Variants in SPTLC3 observed in about 807,000 individuals in gnomAD.
The protein encoded by SPTLC3 is serine palmitoyltransferase long chain base subunit 3.
A neutral mutation model predicts 59.3 loss-of-function variants in SPTLC3; 36 were observed. The ratio of observed to expected loss-of-function variants is 0.61; its 90% CI spans 0.47 to 0.80. The LOEUF (loss-of-function observed/expected upper bound fraction) is 0.80. Among genes scored for constraint, SPTLC3 ranks in the 30% least tolerant of loss-of-function variants. SPTLC3 has a pLI of 0.00. For synonymous variants in SPTLC3, 257 were observed against 240.8 expected, an observed-to-expected ratio of 1.07 and a Z score of -0.62; for missense variants, 625 against 685.1, an observed-to-expected ratio of 0.91 and a Z score of 0.98.
intron 9 of SPTLC3, among the ~76,000 whole-genome samples, chr20:13,131,255 C>T (rs2038114345): frequency 6.6e-6 from 1 of 152,086 alleles, no homozygotes; most frequent in African/African-American, 2.4e-5. Flanking sequence ...ACCTTCTTTC[C>T]CCAACTCTGG....
At chr20:13,081,137 G>A (rs1429530910) in intron 4 of SPTLC3, among the ~76,000 whole-genome samples, 2 of 152,136 alleles carry the variant, frequency 1.3e-5, no homozygotes, top group Non-Finnish European at 2.9e-5. Flanking sequence ...CTTCCAAGTT[G>A]CTTTGGGAAG....
intron 6 of SPTLC3, among the ~76,000 whole-genome samples, chr20:13,106,553 G>C (rs1600286707): frequency 6.6e-6 from 1 of 152,258 alleles, no homozygotes; most frequent in African/African-American, 2.4e-5. Flanking sequence ...CTGTGTGTTG[G>C]GGGATGTTGA....
intron 2 of SPTLC3, among the ~76,000 whole-genome samples, chr20:13,060,162 G>A (rs894365912): frequency 6.6e-6 from 1 of 152,156 alleles, no homozygotes; most frequent in African/African-American, 2.4e-5. Context: ...GTAGACTGAA[G>A]CCTAGAGCCT....
Position 13,164,865 on chromosome 20 carries a change from T to G in SPTLC3, c.1657T>G (p.Ter553GluextTer5). The change falls in exon 12 of 12, where the codon TAA (stop) becomes GAA (glutamate). Residue 553 changes from the stop codon to glutamate (E), a stop_lost. Coordinates refer to ENST00000399002, the MANE Select transcript of SPTLC3 (RefSeq NM_018327.4). ...TGAGACGAGCTTTGAACTCGAAGATTAAGTTTCCTGGTCCTGAATGACACA... is the reference window on the plus strand; with the variant it reads ...TGAGACGAGCTTTGAACTCGAAGATGAAGTTTCCTGGTCCTGAATGACACA... Reference protein sequence around the residue: ...YDETSFELED* With the variant: ...YDETSFELEDE 1.2e-6 allele frequency: 2 copies of G among 1,612,018 alleles called. No individual in the cohort carries two copies. Among genetic ancestry groups the G allele is most frequent in the Non-Finnish European group, 1.7e-6 (2 of 1,178,840 alleles).
chr20:13,145,887 G>A (rs1458997339), intron 9 of SPTLC3, among the ~76,000 whole-genome samples: 1 of 152,094 alleles, frequency 6.6e-6, no homozygotes, highest in Admixed American at 6.5e-5. Context: ...CAAGTAATGG[G>A]GAAAGGACTC....
intron 4 of SPTLC3, among the ~76,000 whole-genome samples, chr20:13,087,868 C>T (rs1989054975): frequency 6.6e-6 from 1 of 152,138 alleles, no homozygotes; most frequent in Non-Finnish European, 1.5e-5. Flanking sequence ...AGAAAAATGA[C>T]CAGTTTTCCC....
rs771123243 is a variant in SPTLC3 at position 13,093,549 on chromosome 20, T to C, written c.798T>C (p.Gly266=). The change falls in exon 6 of 12, where the codon GGT becomes GGC. Residue 266 remains glycine, a synonymous_variant. Transcript: ENST00000399002. ...TSLVLGARLS[G]ATIRIFKHNN... ...TTGTGCTTGGGGCCCGACTCTCAGG[T>C]GCAACCATAAGAATCTTCAAACACA... The C allele has an allele frequency of 2.5e-6, 4 of 1,613,530 alleles. No individual in the cohort carries two copies. The highest frequency in any genetic ancestry group is 3.4e-6 in the Non-Finnish European group (4 of 1,179,528).
intron 6 of SPTLC3, among the ~76,000 whole-genome samples, chr20:13,105,016 A>G (rs1989800085): frequency 1.3e-5 from 2 of 152,306 alleles, no homozygotes; most frequent in South Asian, 4.1e-4. Context: ...TTTAAAAAAA[A>G]TCCCTTGCAG....
At chr20:13,069,313 C>T (rs1383710603) in intron 2 of SPTLC3, among the ~76,000 whole-genome samples, 1 of 152,082 alleles carries the variant, frequency 6.6e-6, no homozygotes, top group African/African-American at 2.4e-5. Flanking sequence ...GGGCCTGATT[C>T]TCCTCATGGG....
intron 2 of SPTLC3, among the ~76,000 whole-genome samples, chr20:13,053,310 T>A (rs1010025416): frequency 2.0e-5 from 3 of 152,040 alleles, no homozygotes; most frequent in African/African-American, 7.2e-5. Flanking sequence ...GGCCTGACTG[T>A]TAGAAGGAAA....
chr20:13,134,908 G>T (rs2038208174), intron 9 of SPTLC3, among the ~76,000 whole-genome samples: 1 of 152,182 alleles, frequency 6.6e-6, no homozygotes, highest in South Asian at 2.1e-4. Context: ...GTTACTACTA[G>T]CACCTTGCCT....
chr20:13,107,645 C>T (rs1187745398), intron 6 of SPTLC3, among the ~76,000 whole-genome samples: 1 of 152,136 alleles, frequency 6.6e-6, no homozygotes, highest in Non-Finnish European at 1.5e-5. Flanking sequence ...CAAAGATCCA[C>T]CATTCTTCCA....
chr20:13,035,575 C>T (rs758303388), intron 1 of SPTLC3, among the ~76,000 whole-genome samples: 16 of 152,084 alleles, frequency 1.1e-4, no homozygotes, highest in Non-Finnish European at 1.6e-4. Context: ...TCCAAATAAA[C>T]GTATCAACCA....
chr20:13,105,765 G>C (rs1989855288), intron 6 of SPTLC3, among the ~76,000 whole-genome samples: 1 of 152,102 alleles, frequency 6.6e-6, no homozygotes, highest in African/African-American at 2.4e-5. Flanking sequence ...GTCCCAAAGG[G>C]AAAACATTCT....
chr20:13,118,120 G>T (rs902159850), intron 8 of SPTLC3, among the ~76,000 whole-genome samples: 1 of 152,104 alleles, frequency 6.6e-6, no homozygotes, highest in Non-Finnish European at 1.5e-5. Flanking sequence ...AGCCAGAAGT[G>T]ATAAGGGATG....
chr20:13,059,800 C>T (rs1987877580), intron 2 of SPTLC3, among the ~76,000 whole-genome samples: 1 of 152,184 alleles, frequency 6.6e-6, no homozygotes, highest in Admixed American at 6.5e-5. Flanking sequence ...TTTCATTCTC[C>T]TGTTATATTT....
chr20:13,094,440 TTTG>T (rs762568890), intron 6 of SPTLC3, among the ~76,000 whole-genome samples: 2 of 152,040 alleles, frequency 1.3e-5, no homozygotes, highest in Non-Finnish European at 2.9e-5. Context: ...CACACACAAA[TTTG>T]TTTTCTCTTT....
intron 2 of SPTLC3, among the ~76,000 whole-genome samples, chr20:13,066,609 A>C (rs2122553470): frequency 6.6e-6 from 1 of 152,302 alleles, no homozygotes; most frequent in South Asian, 2.1e-4. Context: ...AGAGTACAGA[A>C]TTTTAAGTTT....
In SPTLC3 at chr20:13,074,364, C is replaced by A; in HGVS notation, c.474C>A (p.Val158=). Residue 158 remains valine (V), a synonymous_variant, in exon 4 of 12, where the codon GTC becomes GTA. Coordinates refer to ENST00000399002, the MANE Select transcript of SPTLC3 (RefSeq NM_018327.4). ...YNWTFRFTGR[V]IKDVINMGSY... ...TTCCCCACAGGTTTACTGGAAGAGT[C>A]ATCAAAGATGTCATCAACATGGGCT... The A allele has an allele frequency of 6.2e-7, 1 of 1,613,988 alleles. No homozygotes were observed. The highest frequency in any genetic ancestry group is 1.1e-5 in the South Asian group (1 of 91,062).
Sources: allele counts gnomAD v4.1 joint callset (sites outside exome capture counted in the v4.1 genomes callset), GRCh38; gene constraint gnomAD v4.1.1; transcripts MANE v1.5; gene names NCBI Gene and HGNC (gene_info 2026-07-23, HGNC 2026-07-21).